LRRC69: variants seen among roughly 807,000 people sequenced by gnomAD.
The protein encoded by LRRC69 is leucine-rich repeat-containing protein 69.
In LRRC69, 42 loss-of-function variants were observed where a neutral mutation model predicts 37.8. The observed-to-expected ratio is 1.11, with a 90% CI of 0.87 to 1.44. LRRC69 has a LOEUF of 1.44. LRRC69 is among the 40% of genes most tolerant of loss of function. The pLI is 0.00. For synonymous variants in LRRC69, 141 were observed against 143.1 expected, an observed-to-expected ratio of 0.99 and a Z score of 0.11; for missense variants, 357 against 401.9, an observed-to-expected ratio of 0.89 and a Z score of 0.96.
intron 5 of LRRC69, among the ~76,000 whole-genome samples, chr8:91,154,633 T>C (rs1186629767): frequency 2.0e-5 from 3 of 151,958 alleles, no homozygotes; most frequent in Non-Finnish European, 4.4e-5. Context: ...ACCCCATGAT[T>C]ATCTCAATAG....
intron 3 of LRRC69, chr8:91,130,708 T>A (rs995204592): frequency 2.6e-5 from 4 of 152,100 alleles, no homozygotes; most frequent in African/African-American, 9.6e-5. Context: ...AACATTATTG[T>A]ACAAATCTTT....
intron 7 of LRRC69, among the ~76,000 whole-genome samples, chr8:91,201,302 A>G (rs1809707641): frequency 6.6e-6 from 1 of 152,228 alleles, no homozygotes; most frequent in Non-Finnish European, 1.5e-5. Flanking sequence ...ACCAGAGCTC[A>G]GCAAACTCCT....
chr8:91,127,486 G>A (rs936250615), intron 3 of LRRC69, among the ~76,000 whole-genome samples: 2 of 150,388 alleles, frequency 1.3e-5, no homozygotes, highest in Middle Eastern at 3.2e-3. Flanking sequence ...ATGTTATTTC[G>A]CATGTGTATT....
chr8:91,195,332 T>G (rs955804110), intron 6 of LRRC69, among the ~76,000 whole-genome samples: 1 of 151,464 alleles, frequency 6.6e-6, no homozygotes, highest in Non-Finnish European at 1.5e-5. Flanking sequence ...TGATTTGGGG[T>G]GGAGAGTTCT....
At chr8:91,180,299 T>C (rs7826163) in intron 5 of LRRC69, among the ~76,000 whole-genome samples, 4,946 of 152,266 alleles carry the variant, frequency 0.032, 250 homozygotes, top group African/African-American at 0.11. Flanking sequence ...GCTTCCAAGA[T>C]GGCTTACTCA....
At chr8:91,145,660 G>A (rs1808607795) in intron 5 of LRRC69, among the ~76,000 whole-genome samples, 1 of 151,782 alleles carries the variant, frequency 6.6e-6, no homozygotes, top group Non-Finnish European at 1.5e-5. Context: ...TATTCTAATG[G>A]AAACCCCTTG....
At chr8:91,175,315 C>T (rs1161420302) in intron 5 of LRRC69, among the ~76,000 whole-genome samples, 1 of 152,126 alleles carries the variant, frequency 6.6e-6, no homozygotes, top group Non-Finnish European at 1.5e-5. Context: ...ACCTGTTACA[C>T]TTAAATGCAG....
intron 5 of LRRC69, among the ~76,000 whole-genome samples, chr8:91,151,548 G>T (rs146091211): frequency 6.6e-6 from 1 of 151,120 alleles, no homozygotes; most frequent in African/African-American, 2.4e-5. Flanking sequence ...TGTCATTGAT[G>T]GGCATTTGGG....
intron 5 of LRRC69, among the ~76,000 whole-genome samples, chr8:91,186,310 G>C (rs1244961189): frequency 6.6e-6 from 1 of 152,124 alleles, no homozygotes; most frequent in African/African-American, 2.4e-5. Context: ...AGTATTTATA[G>C]GTAATATGAT....
intron 7 of LRRC69, 76 bp downstream of exon 7, chr8:91,200,868 C>A: frequency 7.6e-7 from 1 of 1,319,714 alleles, no homozygotes; most frequent in Non-Finnish European, 1.0e-6. Context: ...TCAGTTAATA[C>A]TAACTAGATT....
intron 1 of LRRC69, among the ~76,000 whole-genome samples, chr8:91,120,198 A>G (rs1015337224): frequency 2.6e-5 from 4 of 152,042 alleles, no homozygotes; most frequent in African/African-American, 9.7e-5. Context: ...TTTCAAGGTC[A>G]CTAATCACTT....
At chr8:91,105,278 T>C (rs981925720) in intron 1 of LRRC69, among the ~76,000 whole-genome samples, 3 of 151,822 alleles carry the variant, frequency 2.0e-5, no homozygotes, top group Admixed American at 2.0e-4. Context: ...TTTCCCTATG[T>C]AATGGGAGTT....
chr8:91,138,209 G>C (rs1808453893), intron 5 of LRRC69, among the ~76,000 whole-genome samples: 1 of 151,882 alleles, frequency 6.6e-6, no homozygotes, highest in African/African-American at 2.4e-5. Context: ...ATACTAATAA[G>C]TAATATATAA....
intron 1 of LRRC69, among the ~76,000 whole-genome samples, chr8:91,113,356 A>C (rs960330347): frequency 1.1e-4 from 16 of 152,114 alleles, no homozygotes; most frequent in African/African-American, 3.9e-4. Context: ...TGTCTTAGGC[A>C]TAAAAACAGA....
intron 5 of LRRC69, among the ~76,000 whole-genome samples, chr8:91,150,922 G>A (rs1167326979): frequency 2.6e-5 from 4 of 151,708 alleles, no homozygotes; most frequent in Admixed American, 6.6e-5. Context: ...CTGTGGGATC[G>A]TTGGTGATAT....
At chr8:91,205,324 T>A (rs1809786162) in intron 7 of LRRC69, among the ~76,000 whole-genome samples, 1 of 152,104 alleles carries the variant, frequency 6.6e-6, no homozygotes, top group South Asian at 2.1e-4. Flanking sequence ...CTGTTTACTT[T>A]CCAAGAAGCA....
At chr8:91,119,412 C>T in intron 1 of LRRC69, among the ~76,000 whole-genome samples, 1 of 152,046 alleles carries the variant, frequency 6.6e-6, no homozygotes, top group South Asian at 2.1e-4. Context: ...GTCGCACTCA[C>T]TTCATCTTAG....
intron 5 of LRRC69, among the ~76,000 whole-genome samples, chr8:91,143,042 A>G (rs937131634): frequency 1.3e-5 from 2 of 152,182 alleles, no homozygotes; most frequent in Middle Eastern, 3.4e-3. Flanking sequence ...TGAGTTTTAT[A>G]TGTTGTTTAA....
chr8:91,185,834 G>A (rs1451280502), intron 5 of LRRC69, among the ~76,000 whole-genome samples: 1 of 151,830 alleles, frequency 6.6e-6, no homozygotes, highest in Non-Finnish European at 1.5e-5. Flanking sequence ...TATGAATTTT[G>A]AGATGCTTTG....
Sources: allele counts gnomAD v4.1 joint callset (sites outside exome capture counted in the v4.1 genomes callset), GRCh38; gene constraint gnomAD v4.1.1; transcripts MANE v1.5; gene names NCBI Gene and HGNC (gene_info 2026-07-23, HGNC 2026-07-21).